The following SOX5 variants were observed in gnomAD, a reference collection of about 807,000 sequenced individuals.
The protein encoded by SOX5 is SRY-box transcription factor 5.
SOX5 carries 9 observed loss-of-function variants against 92.0 expected under a neutral mutation model. That is an observed-to-expected ratio of 0.10 (90% CI 0.06 to 0.17). The LOEUF (loss-of-function observed/expected upper bound fraction) is 0.17. Ranked by LOEUF, SOX5 falls within the 10% of genes least tolerant of loss-of-function variation. SOX5 has a pLI of 1.00. For synonymous variants in SOX5, 344 were observed against 336.3 expected (o/e 1.02, Z -0.25); for missense variants, 642 against 944.5 (o/e 0.68, Z 4.20).
chr12:24,051,054 C>T (rs11047233), intron 4 of SOX5, among the ~76,000 whole-genome samples: 1 of 152,064 alleles, frequency 6.6e-6, no homozygotes, highest in African/African-American at 2.4e-5. Context: ...TTTCTCCACC[C>T]AAACTATAAT....
intron 1 of SOX5, among the ~76,000 whole-genome samples, chr12:23,925,850 C>T (rs1311717310): frequency 6.6e-6 from 1 of 151,966 alleles, no homozygotes; most frequent in Non-Finnish European, 1.5e-5. Context: ...TTCACTTAAC[C>T]CTTACAATCA....
rs183544642 is a variant in SOX5 at position 24,071,345 on chromosome 12, T to C, written c.-2+141998A>G. On this transcript the variant is annotated intron_variant, in intron 4 of 4. Transcript: ENST00000446891. ...CACATGAACCATGTAAGGCAGCTAT[T>C]GCTATATCAATTAGGCAGATGGCTC... Among the ~76,000 whole-genome samples the C allele has an allele frequency of 4.9e-4, 74 of 152,336 alleles. No homozygotes were observed. The South Asian group carries it at 5.4e-3, about 11-fold the overall frequency.
chr12:23,776,230 T>C (rs1433242400), intron 3 of SOX5, among the ~76,000 whole-genome samples: 1 of 152,238 alleles, frequency 6.6e-6, no homozygotes, highest in Non-Finnish European at 1.5e-5. Context: ...TCCTGGTCAT[T>C]GTAACTTAAA....
chr12:23,982,154 AT>A (rs1354975326), intron 4 of SOX5, among the ~76,000 whole-genome samples: 2 of 152,222 alleles, frequency 1.3e-5, no homozygotes, highest in African/African-American at 4.8e-5. Flanking sequence ...CAGGAAATGT[AT>A]TTGGAAGAAA....
intron 4 of SOX5, among the ~76,000 whole-genome samples, chr12:23,993,864 AATGT>A (rs5797056): frequency 0.53 from 77,420 of 146,370 alleles, 20,567 homozygotes; most frequent in East Asian, 0.59. Flanking sequence ...CTCCCTATGA[AATGT>A]ATGTATGTAT....
chr12:24,292,858 C>T (rs1198698192), intron 2 of SOX5, among the ~76,000 whole-genome samples: 5 of 152,202 alleles, frequency 3.3e-5, no homozygotes, highest in Non-Finnish European at 5.9e-5. Context: ...GTCGCTCTTC[C>T]ACTACCCGCG....
At chr12:24,434,844 C>G (rs927121213) in intron 1 of SOX5, among the ~76,000 whole-genome samples, 3 of 152,160 alleles carry the variant, frequency 2.0e-5, no homozygotes, top group African/African-American at 2.4e-5. Flanking sequence ...AACCGTGAAC[C>G]AATTAAACCT....
intron 3 of SOX5, among the ~76,000 whole-genome samples, chr12:23,832,281 A>G (rs2096339321): frequency 6.6e-6 from 1 of 152,014 alleles, no homozygotes; most frequent in African/African-American, 2.4e-5. Context: ...CAACTGCCCA[A>G]CTACATATTT....
At chr12:23,628,372 G>T (rs749423032) in intron 8 of SOX5, among the ~76,000 whole-genome samples, 36 of 152,030 alleles carry the variant, frequency 2.4e-4, no homozygotes, top group Non-Finnish European at 4.7e-4. Flanking sequence ...TGTTACAGAT[G>T]AAAGGACAAT....
chr12:24,419,867 T>G lies in SOX5; in HGVS notation c.-250-51228A>C, dbSNP rs569831527. Among the ~76,000 whole-genome samples the G allele has an allele frequency of 7.2e-5, 11 of 152,204 alleles. No homozygotes were observed. In the East Asian group the frequency reaches 1.7e-3, roughly 24 times the overall value. ...ATACCATGCTAAAAAAAAGTGAAAC[T>G]CTATAGATAAGAGGCTGTAGAGACA... On this transcript the variant is annotated intron_variant, in intron 1 of 4. Coordinates refer to the SOX5 transcript ENST00000446891.
intron 1 of SOX5, among the ~76,000 whole-genome samples, chr12:24,379,817 G>A (rs553070380): frequency 1.6e-5 from 2 of 125,398 alleles, no homozygotes; most frequent in East Asian, 2.2e-4. Context: ...TCCTCAAATC[G>A]GATTTTTACC....
chr12:23,668,886 A>T (rs2084294785), intron 6 of SOX5, among the ~76,000 whole-genome samples: 1 of 152,220 alleles, frequency 6.6e-6, no homozygotes, highest in Non-Finnish European at 1.5e-5. Flanking sequence ...CACTTATATT[A>T]TCCCATTTAT....
chr12:23,571,864 T>C (rs1478610949), intron 10 of SOX5, among the ~76,000 whole-genome samples: 2 of 152,080 alleles, frequency 1.3e-5, no homozygotes, highest in African/African-American at 4.8e-5. Flanking sequence ...GGATATCTAC[T>C]CCATCTAGTT....
At chr12:24,343,385 G>C (rs1309486901) in intron 2 of SOX5, among the ~76,000 whole-genome samples, 1 of 151,730 alleles carries the variant, frequency 6.6e-6, no homozygotes, top group Admixed American at 6.6e-5. Flanking sequence ...TTTTCTATTG[G>C]AACTTCAGTT....
intron 3 of SOX5, among the ~76,000 whole-genome samples, chr12:24,214,223 TAGAA>T (rs1457580777): frequency 6.6e-6 from 1 of 151,804 alleles, no homozygotes; most frequent in African/African-American, 2.4e-5. Context: ...ATACCAACAA[TAGAA>T]AGAACAAAAT....
chr12:23,644,907 C>T (rs2080627417), intron 7 of SOX5, among the ~76,000 whole-genome samples: 2 of 152,246 alleles, frequency 1.3e-5, no homozygotes, highest in South Asian at 2.1e-4. Context: ...ACTTAGGATA[C>T]ATAATCTTAA....
intron 4 of SOX5, among the ~76,000 whole-genome samples, chr12:24,136,537 C>T (rs1181895880): frequency 2.0e-5 from 3 of 152,182 alleles, no homozygotes; most frequent in Admixed American, 1.3e-4. Flanking sequence ...ATAACAGCAC[C>T]TGCCTCATAG....
At chr12:24,458,225 A>G (rs1943234594) in intron 1 of SOX5, among the ~76,000 whole-genome samples, 1 of 152,200 alleles carries the variant, frequency 6.6e-6, no homozygotes, top group African/African-American at 2.4e-5. Context: ...ACTGCTGAAG[A>G]GAATATCATT....
intron 11 of SOX5, among the ~76,000 whole-genome samples, chr12:23,560,670 C>T (rs189540661): frequency 9.7e-4 from 148 of 152,304 alleles, no homozygotes; most frequent in African/African-American, 3.3e-3. Flanking sequence ...CCAGTACCTA[C>T]CACCGTCTCT....
Sources: gnomAD v4.1 joint callset for allele counts (sites outside exome capture counted in the v4.1 genomes callset) on GRCh38, gnomAD v4.1.1 for gene constraint, MANE v1.5 for transcripts, NCBI Gene and HGNC (gene_info 2026-07-23, HGNC 2026-07-21) for gene names.